The following GIGYF2 variants were observed in gnomAD, a reference collection of about 807,000 sequenced individuals.
GIGYF2 encodes the protein GRB10 interacting GYF protein 2.
GIGYF2 carries 25 observed loss-of-function variants against 208.1 expected under a neutral mutation model. The ratio of observed to expected loss-of-function variants is 0.12; its 90% CI spans 0.09 to 0.17. GIGYF2 has a LOEUF of 0.17. Ranked by LOEUF, GIGYF2 falls within the 10% of genes least tolerant of loss-of-function variation. The pLI is 1.00. For missense variants in GIGYF2, 1,302 were observed against 1,579.4 expected, an observed-to-expected ratio of 0.82 and a Z score of 2.98; for synonymous variants, 534 against 543.8, an observed-to-expected ratio of 0.98 and a Z score of 0.25.
chr2:232,706,748 C>G (rs1323584305), intron 2 of GIGYF2, among the ~76,000 whole-genome samples: 1 of 151,774 alleles, frequency 6.6e-6, no homozygotes, highest in African/African-American at 2.4e-5. Flanking sequence ...CCACTGCACT[C>G]CAGCCTGAGT....
intron 2 of GIGYF2, chr2:232,722,416 A>T (rs1173530206): frequency 6.6e-6 from 1 of 151,834 alleles, no homozygotes; most frequent in Non-Finnish European, 1.5e-5. Context: ...CATGGGGGAA[A>T]CCGCCCCCAT....
intron 5 of GIGYF2, among the ~76,000 whole-genome samples, chr2:232,750,423 C>CTT (rs1698295150): frequency 6.6e-6 from 1 of 152,066 alleles, no homozygotes; most frequent in Non-Finnish European, 1.5e-5. Context: ...TCCCAGAGGC[C>CTT]GCAAGTGTTA....
intron 18 of GIGYF2, among the ~76,000 whole-genome samples, chr2:232,812,982 C>T (rs1366180599): frequency 7.0e-6 from 1 of 143,558 alleles, no homozygotes; most frequent in Non-Finnish European, 1.5e-5. Context: ...GCCTGGGCAA[C>T]AGAGCAAAAC....
At chr2:232,753,562 TA>T (rs1698414251) in intron 5 of GIGYF2, among the ~76,000 whole-genome samples, 1 of 152,122 alleles carries the variant, frequency 6.6e-6, no homozygotes, top group Admixed American at 6.6e-5. Context: ...CCTGGCACTT[TA>T]CAGTTTTAAC....
intron 8 of GIGYF2, chr2:232,766,429 AGTG>A: frequency 6.4e-6 from 1 of 157,322 alleles, no homozygotes. Flanking sequence ...GAACTGTGTA[AGTG>A]ATGTAGTGCC....
chr2:232,739,364 C>G lies in GIGYF2; in HGVS notation c.41+4126C>G, dbSNP rs372275728. 1.7e-4 allele frequency among the ~76,000 whole-genome samples: 10 copies of G among 60,134 alleles called. 1 individual carries two copies. The highest frequency in any genetic ancestry group is 2.8e-4 in the Non-Finnish European group (8 of 29,006). 39.5% of individuals were successfully genotyped at this position (60,134 alleles called of 152,430 possible). On this transcript the variant is annotated intron_variant, in intron 3 of 28. Transcript: ENST00000373563. ...CAAGCCTGGGCAACAAAAGCAAACC[C>G]CCCCCCCCCCGCAAAAAAAAAGAAA...
intron 8 of GIGYF2, among the ~76,000 whole-genome samples, chr2:232,769,719 T>C (rs955104304): frequency 6.6e-6 from 1 of 152,136 alleles, no homozygotes; most frequent in African/African-American, 2.4e-5. Flanking sequence ...GTTGGCGGGC[T>C]GTTGGTAAGG....
chr2:232,818,443 A>G (rs1700979128), intron 20 of GIGYF2, among the ~76,000 whole-genome samples: 1 of 152,160 alleles, frequency 6.6e-6, no homozygotes, highest in South Asian at 2.1e-4. Flanking sequence ...GAATGTAATG[A>G]TTTTTGTATG....
intron 23 of GIGYF2, chr2:232,843,175 G>GTATATA (rs1422406127): frequency 1.6e-5 from 2 of 123,812 alleles, no homozygotes; most frequent in African/African-American, 7.0e-5. Context: ...GTGTGTGTGT[G>GTATATA]TGTGTGTATA....
At chr2:232,842,159 G>A (rs1701836628) in intron 23 of GIGYF2, among the ~76,000 whole-genome samples, 2 of 151,864 alleles carry the variant, frequency 1.3e-5, no homozygotes, top group Admixed American at 1.3e-4. Flanking sequence ...TTTTCTATGG[G>A]GCATTTTCTC....
intron 12 of GIGYF2, among the ~76,000 whole-genome samples, chr2:232,792,189 C>G (rs1383350244): frequency 6.6e-6 from 1 of 152,176 alleles, no homozygotes; most frequent in African/African-American, 2.4e-5. Flanking sequence ...CCTGAACTGT[C>G]TCCTGTTTTC....
rs1039164738 is a variant in GIGYF2 at position 232,735,607 on chromosome 2, A to C, written c.41+369A>C. On this transcript the variant is annotated intron_variant, in intron 3 of 28. Coordinates refer to ENST00000373563, the MANE Select transcript of GIGYF2 (RefSeq NM_001103146.3). ...CTACATTGTTTTATCATTGCTGTTCATAGATTGATTTGAGAAATAGTTTTC... is the reference window on the plus strand; with the variant it reads ...CTACATTGTTTTATCATTGCTGTTCCTAGATTGATTTGAGAAATAGTTTTC... The C allele has an allele frequency of 8.9e-5, 48 of 541,790 alleles. No homozygotes were observed. In the African/African-American group the frequency reaches 9.9e-4, roughly 11 times the overall value. The allele number at this position is 541,790 out of a possible 1,614,324, so 33.6% of individuals were successfully genotyped here. A position where few individuals can be genotyped will look rare whatever the true frequency, so the allele number is the denominator to read the frequency against.
chr2:232,735,886 A>G (rs1376472115), intron 3 of GIGYF2: 7 of 983,762 alleles, frequency 7.1e-6, no homozygotes, highest in Non-Finnish European at 8.4e-6. Context: ...TCCTCTCTTC[A>G]GTGGCATCAA....
rs769501717 is a variant in GIGYF2 at position 232,768,800 on chromosome 2, C to A, written c.532+7364C>A. The A allele has an allele frequency of 4.3e-5, 69 of 1,604,118 alleles. No individual in the cohort carries two copies. The highest frequency in any genetic ancestry group is 5.7e-5 in the Non-Finnish European group (67 of 1,173,126). Reference sequence around the variant, plus strand: ...CTCGATTTTTTGGCCGGGCAATCTTCGCCACAAAAGCACCTAAATAAGAAA... The same window carrying A: ...CTCGATTTTTTGGCCGGGCAATCTTAGCCACAAAAGCACCTAAATAAGAAA... On this transcript the variant is annotated intron_variant, in intron 8 of 28. Transcript: ENST00000373563.
intron 1 of GIGYF2, among the ~76,000 whole-genome samples, chr2:232,698,466 A>G (rs1396185705): frequency 6.6e-6 from 1 of 152,150 alleles, no homozygotes; most frequent in Admixed American, 6.5e-5. Context: ...TCCTTTTTAG[A>G]ATCAAATGAC....
intron 16 of GIGYF2, chr2:232,810,335 AT>A (rs2106383897): frequency 6.4e-6 from 1 of 156,922 alleles, no homozygotes; most frequent in African/African-American, 2.4e-5. Context: ...CATAACTTTA[AT>A]TTTGTAAGCT....
In GIGYF2 at chr2:232,819,968, G is replaced by A. The variant is rs1327022933; in HGVS notation, c.2512G>A (p.Glu838Lys). The change falls in exon 21 of 29, where the codon GAA (glutamate) becomes AAA (lysine). Residue 838 changes from glutamate (E) to lysine (K), a missense_variant. Transcript: ENST00000373563. Reference sequence around the variant, plus strand: ...AGAGGAAGAAAGGCGGAAGCAGGAAGAATTGTTACGCAAACAGGTGACCAG... The same window carrying A: ...AGAGGAAGAAAGGCGGAAGCAGGAAAAATTGTTACGCAAACAGGTGACCAG... ...REEEERRKQE[E>K]LLRKQEEEAA... is the part of the protein sequence containing the mutation. 1 of 1,611,856 alleles carries A rather than the reference G, an allele frequency of 6.2e-7. No homozygotes were observed. Among genetic ancestry groups the A allele is most frequent in the Non-Finnish European group, 8.5e-7 (1 of 1,178,074 alleles).
chr2:232,803,099 C>T (rs59535630), intron 14 of GIGYF2, among the ~76,000 whole-genome samples: 2,319 of 152,216 alleles, frequency 0.015, 70 homozygotes, highest in African/African-American at 0.053. Context: ...CCATGTTGGC[C>T]AGGCTGGTCT....
At chr2:232,790,430 C>T (rs551618058) in intron 9 of GIGYF2, among the ~76,000 whole-genome samples, 1 of 152,208 alleles carries the variant, frequency 6.6e-6, no homozygotes, top group South Asian at 2.1e-4. Flanking sequence ...AATACAGTGT[C>T]CTTTAAATGT....
Sources: gnomAD v4.1 joint callset for allele counts (sites outside exome capture counted in the v4.1 genomes callset) on GRCh38, gnomAD v4.1.1 for gene constraint, MANE v1.5 for transcripts, NCBI Gene and HGNC (gene_info 2026-07-23, HGNC 2026-07-21) for gene names.